The following MYO5B variants were observed in gnomAD, a reference collection of about 807,000 sequenced individuals.
MYO5B encodes unconventional myosin-Vb.
Under a neutral mutation model 229.3 loss-of-function variants are expected in MYO5B, and 143 were observed. That is an observed-to-expected ratio of 0.62 (90% confidence interval 0.54 to 0.72). The LOEUF (loss-of-function observed/expected upper bound fraction) is 0.72, where lower values mean the gene tolerates loss of function less well. MYO5B is among the 30% of genes least tolerant of loss of function. The pLI, the probability that MYO5B is intolerant of heterozygous loss-of-function variation, is 0.00. For synonymous variants in MYO5B, 918 were observed against 885.2 expected (o/e 1.04, Z -0.66); for missense variants, 2,321 against 2,331.0 (o/e 1.00, Z 0.09).
At chr18:49,972,908 A>G (rs2025706224) in intron 10 of MYO5B, among the ~76,000 whole-genome samples, 1 of 152,016 alleles carries the variant, frequency 6.6e-6, no homozygotes, top group South Asian at 2.1e-4. Context: ...TGTGCTCCTT[A>G]TCAGCAAGGA....
chr18:50,145,497 CAAAAAAAAAAAAAAAAAAAAAAAA>C lies in MYO5B; in HGVS notation c.27+49246_27+49269del, dbSNP rs369507800. Among the ~76,000 whole-genome samples the C allele has an allele frequency of 4.6e-4, 32 of 70,010 alleles. 1 individual carries two copies. In the South Asian group the frequency reaches 0.013, roughly 29 times the overall value. 45.9% of individuals were successfully genotyped at this position (70,010 alleles called of 152,430 possible). ...TGGGCAACAGAGCAAGACTCCATCT[CAAAAAAAAAAAAAAAAAAAAAAAA>C]AAAAAAAAAAAAAAAAATTTCTCTC... is the stretch of plus-strand genomic sequence containing the variant. On this transcript the variant is annotated intron_variant, in intron 1 of 39. Transcript: ENST00000285039.
intron 1 of MYO5B, among the ~76,000 whole-genome samples, chr18:50,064,923 T>G (rs756150361): frequency 1.3e-5 from 2 of 152,196 alleles, no homozygotes; most frequent in African/African-American, 4.8e-5. Flanking sequence ...AGAGAAAGCA[T>G]AGGAGCACCA....
Position 49,906,406 on chromosome 18 carries a change from C to T in MYO5B, c.2414+13G>A, listed in dbSNP as rs749774054. The T allele has an allele frequency of 1.2e-6, 2 of 1,613,652 alleles. No individual in the cohort carries two copies. Among genetic ancestry groups the T allele is most frequent in the East Asian group, 2.2e-5 (1 of 44,874 alleles). On this transcript the variant is annotated intron_variant, in intron 19 of 39. Coordinates refer to ENST00000285039, the MANE Select transcript of MYO5B (RefSeq NM_001080467.3). ...CATGATCTGCTGCCCTGAGCTGCCA[C>T]AGTCTGGCTCACCTGCGGGCCAGGT...
chr18:49,906,552 C>G lies in MYO5B; in HGVS notation c.2281G>C (p.Ala761Pro), dbSNP rs201238002. 3 of 1,614,058 alleles carry G rather than the reference C, an allele frequency of 1.9e-6. No individual in the cohort carries two copies. In the African/African-American group the frequency reaches 4.0e-5, roughly 22 times the overall value. The change falls in exon 19 of 40, where the codon GCT becomes CCT. Residue 761 changes from alanine to proline, a missense_variant. By Grantham distance (27) the Ala-to-Pro change is conservative (BLOSUM62 -1). Transcript: ENST00000285039. Reference protein sequence around the residue: ...GQVAYLEKLRADKFRTATIMI... With the variant: ...GQVAYLEKLRPDKFRTATIMI... ...ATGGTGGCTGTCCGGAACTTGTCAG[C>G]CCGCAGCTTCTCCAGGTAGGCCACC...
chr18:49,917,355 G>C (rs2025028199), intron 17 of MYO5B, among the ~76,000 whole-genome samples: 1 of 152,190 alleles, frequency 6.6e-6, no homozygotes, highest in Admixed American at 6.5e-5. Context: ...TACTGGCTTT[G>C]GGGCAGCACC....
At chr18:49,843,092 T>C (rs1366986544) in intron 34 of MYO5B, 149 bp downstream of exon 34, 2 of 1,021,322 alleles carry the variant, frequency 2.0e-6, no homozygotes, top group South Asian at 2.7e-5. Flanking sequence ...GCATCCTGGT[T>C]ATATGGATGC....
chr18:50,148,613 G>C (rs1030768402), intron 1 of MYO5B, among the ~76,000 whole-genome samples: 3 of 152,156 alleles, frequency 2.0e-5, no homozygotes, highest in African/African-American at 4.8e-5. Flanking sequence ...ATGCAGAAAA[G>C]GTCTTTGACA....
Position 49,936,329 on chromosome 18 carries a change from C to G in MYO5B, c.1926G>C (p.Leu642=). 1 of 1,601,090 alleles carries G rather than the reference C, an allele frequency of 6.2e-7. No individual in the cohort carries two copies. The highest frequency in any genetic ancestry group is 8.5e-7 in the Non-Finnish European group (1 of 1,172,894). The part of the protein sequence containing the change: ...VGHQFRTSLH[L]LMETLNATTP... ...TCGTGGCATTCAGGGTCTCCATGAG[C>G]AGATGCAGGGAGGTACGGAACTAGA... is the stretch of plus-strand genomic sequence containing the variant. Residue 642 remains leucine, a synonymous_variant, in exon 16 of 40, where the codon CTG becomes CTC. Transcript: ENST00000285039.
At chr18:49,969,062 A>G (rs1266587017) in intron 10 of MYO5B, among the ~76,000 whole-genome samples, 1 of 152,210 alleles carries the variant, frequency 6.6e-6, no homozygotes, top group Non-Finnish European at 1.5e-5. Context: ...GGTGAAGCCA[A>G]CAGCTTCCGA....
intron 14 of MYO5B, among the ~76,000 whole-genome samples, chr18:49,941,290 C>T (rs1312516958): frequency 6.6e-6 from 1 of 152,166 alleles, no homozygotes; most frequent in Non-Finnish European, 1.5e-5. Flanking sequence ...CTAAAAGCAC[C>T]AACCAATGAT....
chr18:50,063,002 TTTGGC>T (rs1305047281), intron 1 of MYO5B, among the ~76,000 whole-genome samples: 1 of 152,146 alleles, frequency 6.6e-6, no homozygotes, highest in Non-Finnish European at 1.5e-5. Context: ...ATATGAAATA[TTTGGC>T]CCAGTATCTG....
intron 2 of MYO5B, among the ~76,000 whole-genome samples, chr18:50,045,546 A>T (rs1309083030): frequency 6.6e-6 from 1 of 152,092 alleles, no homozygotes; most frequent in East Asian, 1.9e-4. Context: ...GTTATGTGCC[A>T]TCACACTTGG....
At chr18:49,978,864 C>T (rs1460375639) in intron 9 of MYO5B, among the ~76,000 whole-genome samples, 1 of 152,118 alleles carries the variant, frequency 6.6e-6, no homozygotes, top group Non-Finnish European at 1.5e-5. Flanking sequence ...CAGAGCACAT[C>T]TGTCACCTTT....
Position 50,135,618 on chromosome 18 carries a change from T to C in MYO5B, c.27+59149A>G, listed in dbSNP as rs564468239. Among the ~76,000 whole-genome samples, 16 of 152,330 alleles carry C rather than the reference T, an allele frequency of 1.1e-4. No homozygotes were observed. In the East Asian group the frequency reaches 3.1e-3, roughly 29 times the overall value. On this transcript the variant is annotated intron_variant, in intron 1 of 39. Transcript: ENST00000285039. ...AGATAAATCATTCCCAGAGAGAAGA[T>C]AATATGTATTTAAATGGCTAATTTC...
chr18:50,055,163 CA>C lies in MYO5B; in HGVS notation c.138+104del. The stretch of plus-strand genomic sequence containing the variant: ...CCAAGGGCTCAAGAGCTCCAATGTC[CA>C]GGGAAAACTCCAGCCCACAATGTAC... On this transcript the variant is annotated intron_variant, in intron 2 of 39. Coordinates refer to ENST00000285039, the MANE Select transcript of MYO5B (RefSeq NM_001080467.3). 3 of 796,134 alleles carry C rather than the reference CA, an allele frequency of 3.8e-6. No individual in the cohort carries two copies. The Admixed American group carries it at 6.1e-5, about 16-fold the overall frequency. 49.3% of individuals were successfully genotyped at this position (796,134 alleles called of 1,614,324 possible).
intron 8 of MYO5B, among the ~76,000 whole-genome samples, chr18:49,984,263 C>T (rs1387703585): frequency 6.6e-6 from 1 of 152,220 alleles, no homozygotes; most frequent in Non-Finnish European, 1.5e-5. Flanking sequence ...AGAATTAACG[C>T]TGTATGTGTG....
intron 1 of MYO5B, among the ~76,000 whole-genome samples, chr18:50,064,998 C>T (rs2852100): frequency 0.24 from 36,751 of 152,036 alleles, 5,593 homozygotes; most frequent in Admixed American, 0.36. Context: ...GTTGGTTTGT[C>T]CTTACTCTGT....
At chr18:50,194,321 C>A (rs1034203900) in intron 1 of MYO5B, among the ~76,000 whole-genome samples, 2 of 152,160 alleles carry the variant, frequency 1.3e-5, no homozygotes, top group Admixed American at 6.5e-5. Flanking sequence ...CCTCGAGAGC[C>A]GGCGCCGCAG....
chr18:50,174,165 T>A (rs777431580), intron 1 of MYO5B, among the ~76,000 whole-genome samples: 2 of 152,116 alleles, frequency 1.3e-5, no homozygotes, highest in African/African-American at 4.8e-5. Context: ...GTGACCCCAC[T>A]CCCAGTACCA....
Sources: allele counts gnomAD v4.1 joint callset (sites outside exome capture counted in the v4.1 genomes callset), GRCh38; gene constraint gnomAD v4.1.1; transcripts MANE v1.5; gene names NCBI Gene and HGNC (gene_info 2026-07-23, HGNC 2026-07-21).